The following TNS1 variants were observed in gnomAD, a reference collection of about 807,000 sequenced individuals.
TNS1 encodes tensin-1.
TNS1 carries 62 observed loss-of-function variants against 168.6 expected under a neutral mutation model. The ratio of observed to expected loss-of-function variants is 0.37; its 90% confidence interval spans 0.30 to 0.45. The LOEUF (loss-of-function observed/expected upper bound fraction) is 0.45, where lower values mean the gene tolerates loss of function less well. TNS1 is among the 20% of genes least tolerant of loss of function. The pLI is 1.00. For missense variants in TNS1, 2,240 were observed against 2,339.4 expected, an observed-to-expected ratio of 0.96 and a Z score of 0.88; for synonymous variants, 934 against 933.2, an observed-to-expected ratio of 1.00 and a Z score of -0.02.
chr2:217,866,520 T>C (rs114121612), intron 18 of TNS1, among the ~76,000 whole-genome samples: 2,128 of 152,246 alleles, frequency 0.014, 33 homozygotes, highest in African/African-American at 0.048. Context: ...TTACAGGAAG[T>C]CTGTAAACAC....
intron 19 of TNS1, among the ~76,000 whole-genome samples, chr2:217,845,084 C>T (rs1946467474): frequency 6.6e-6 from 1 of 152,234 alleles, no homozygotes; most frequent in African/African-American, 2.4e-5. Flanking sequence ...CCCCTACCTT[C>T]TCCTCTACAA....
intron 4 of TNS1, among the ~76,000 whole-genome samples, chr2:217,908,386 C>A (rs760480370): frequency 6.6e-6 from 1 of 152,120 alleles, no homozygotes; most frequent in Non-Finnish European, 1.5e-5. Flanking sequence ...GTTATGGGGC[C>A]CTCAAATTGG....
At chr2:217,886,457 G>A (rs2125678708) in intron 13 of TNS1, 77 bp downstream of exon 13, 1 of 1,197,312 alleles carries the variant, frequency 8.4e-7, no homozygotes, top group African/African-American at 1.5e-5. Flanking sequence ...TACTACCCAA[G>A]GTTGCCTCTT....
chr2:217,814,304 CCACACCTGGCTGGCAAACTT>C (rs1416015810), intron 25 of TNS1, among the ~76,000 whole-genome samples: 1 of 150,162 alleles, frequency 6.7e-6, no homozygotes, highest in Non-Finnish European at 1.5e-5. Flanking sequence ...GTGTGCACCA[CCACACCTGGCTGGCAAACTT>C]ACTCTGTAAA....
At chr2:217,911,989 G>A (rs1351978134) in intron 4 of TNS1, among the ~76,000 whole-genome samples, 1 of 152,198 alleles carries the variant, frequency 6.6e-6, no homozygotes, top group African/African-American at 2.4e-5. Flanking sequence ...TGAATTCGAG[G>A]GGTCGGGAAC....
chr2:217,883,453 T>TG (rs1363189752), intron 16 of TNS1, among the ~76,000 whole-genome samples: 4 of 151,886 alleles, frequency 2.6e-5, no homozygotes, highest in Non-Finnish European at 5.9e-5. Flanking sequence ...TTTGTAGAGA[T>TG]GGGGTCTCAC....
At chr2:217,833,706 A>G (rs911140644) in intron 21 of TNS1, among the ~76,000 whole-genome samples, 5 of 152,256 alleles carry the variant, frequency 3.3e-5, no homozygotes, top group Non-Finnish European at 5.9e-5. Context: ...CGAGCCACAC[A>G]TGGCCGCAGA....
At chr2:217,825,210 T>C (rs1393323028) in intron 22 of TNS1, among the ~76,000 whole-genome samples, 1 of 152,170 alleles carries the variant, frequency 6.6e-6, no homozygotes, top group African/African-American at 2.4e-5. Context: ...ACCCCCTTAG[T>C]CTCTGGCTCA....
intron 3 of TNS1, among the ~76,000 whole-genome samples, chr2:217,976,064 T>A (rs1957886876): frequency 6.6e-6 from 1 of 152,174 alleles, no homozygotes; most frequent in Non-Finnish European, 1.5e-5. Flanking sequence ...CACATCATCA[T>A]CTGGGTCCCA....
chr2:217,950,583 C>T (rs1215403981), intron 3 of TNS1, among the ~76,000 whole-genome samples: 1 of 149,948 alleles, frequency 6.7e-6, no homozygotes, highest in African/African-American at 2.5e-5. Flanking sequence ...CCAGGTAGGC[C>T]CTGGTGCTGG....
At chr2:217,947,796 C>T (rs1235314531) in intron 3 of TNS1, among the ~76,000 whole-genome samples, 6 of 152,136 alleles carry the variant, frequency 3.9e-5, no homozygotes, top group South Asian at 2.1e-4. Flanking sequence ...CCTCAGTGGC[C>T]GGGACAGGAA....
rs138812927 is a variant in TNS1 at position 217,847,772 on chromosome 2, G to A, written c.2745C>T (p.Gly915=). The change falls in exon 19 of 33, where the codon GGC becomes GGT. Residue 915 remains glycine, a synonymous_variant. Transcript: ENST00000682258. The part of the protein sequence containing the change: ...PRASLESVPP[G]RSYSPYDYQP... ...GATAGTCATAAGGTGAGTAAGACCT[G>A]CCAGGAGGGACAGACTCCAGAGAGG... 4 of 1,608,138 alleles carry A rather than the reference G, an allele frequency of 2.5e-6. No individual in the cohort carries two copies. The African/African-American group carries it at 4.0e-5, about 16-fold the overall frequency.
intron 3 of TNS1, among the ~76,000 whole-genome samples, chr2:217,969,199 A>T (rs1364197071): frequency 6.6e-6 from 1 of 152,230 alleles, no homozygotes; most frequent in Non-Finnish European, 1.5e-5. Flanking sequence ...CTTAATACTA[A>T]TGATGCCAAG....
intron 1 of TNS1, among the ~76,000 whole-genome samples, chr2:218,023,246 G>A (rs1958824398): frequency 6.6e-6 from 1 of 152,148 alleles, no homozygotes; most frequent in African/African-American, 2.4e-5. Flanking sequence ...AAGTGCAGAG[G>A]GCTGGGAACC....
intron 7 of TNS1, among the ~76,000 whole-genome samples, chr2:217,898,629 C>T (rs1952576758): frequency 1.3e-5 from 2 of 152,244 alleles, no homozygotes; most frequent in African/African-American, 2.4e-5. Flanking sequence ...GCAGCTCCCA[C>T]TGCCTGCCAG....
At chr2:217,884,593 A>T (rs907970901) in intron 16 of TNS1, among the ~76,000 whole-genome samples, 30 of 151,922 alleles carry the variant, frequency 2.0e-4, no homozygotes, top group African/African-American at 6.5e-4. Context: ...CTGCCTCCCA[A>T]CTCAACAAGA....
At chr2:218,012,881 T>TG (rs951060913), upstream of TNS1, among the ~76,000 whole-genome samples, 1 of 151,990 alleles carries the variant, frequency 6.6e-6, no homozygotes, top group Non-Finnish European at 1.5e-5. Context: ...GAGAGTTGGG[T>TG]GGGGGGTTCT....
At chr2:217,943,639 C>T (rs548264800) in intron 3 of TNS1, among the ~76,000 whole-genome samples, 2 of 152,358 alleles carry the variant, frequency 1.3e-5, no homozygotes, top group South Asian at 4.1e-4. Flanking sequence ...ACAGAAACAT[C>T]TGAAGACAGG....
intron 16 of TNS1, 22 bp from the exon 17 acceptor site, chr2:217,882,433 T>A (rs1193955210): frequency 6.4e-7 from 1 of 1,567,162 alleles, no homozygotes; most frequent in African/African-American, 1.4e-5. Flanking sequence ...GAAGGAAAAA[T>A]AAAAATAGGC....
Sources: gnomAD v4.1 joint callset for allele counts (sites outside exome capture counted in the v4.1 genomes callset) on GRCh38, gnomAD v4.1.1 for gene constraint, MANE v1.5 for transcripts, NCBI Gene and HGNC (gene_info 2026-07-23, HGNC 2026-07-21) for gene names.